Variants in GATAD2A observed in about 807,000 individuals in gnomAD.
GATAD2A encodes the protein transcriptional repressor p66-alpha.
Under a neutral mutation model 68.5 loss-of-function variants are expected in GATAD2A, and 12 were observed. The observed-to-expected ratio is 0.18, with a 90% CI of 0.11 to 0.28. GATAD2A has a LOEUF of 0.28. Among genes scored for constraint, GATAD2A ranks in the 10% least tolerant of loss-of-function variants. The probability of loss-of-function intolerance (pLI) is 1.00; values close to 1 mark genes in which losing one functional copy is unlikely to be tolerated. For synonymous variants in GATAD2A, 410 were observed against 375.3 expected (o/e 1.09, Z -1.07); for missense variants, 755 against 868.5 (o/e 0.87, Z 1.64).
At chr19:19,398,927 C>T (rs1454528449) in intron 1 of GATAD2A, among the ~76,000 whole-genome samples, 1 of 152,096 alleles carries the variant, frequency 6.6e-6, no homozygotes, top group East Asian at 1.9e-4. Context: ...GGCACAGTGG[C>T]GGGCGCCTGT....
rs1421204953 is a variant in GATAD2A at position 19,474,729 on chromosome 19, A to G, written c.269+9115A>G. 2.6e-5 allele frequency among the ~76,000 whole-genome samples: 4 copies of G among 152,326 alleles called. 1 individual carries two copies. In the South Asian group the frequency reaches 8.3e-4, roughly 32 times the overall value. ...ACTCAGGTTAAACTGCAGGGTTACA[A>G]ATTGTGTGTGTGGTTAGTCGTTTTA... On this transcript the variant is annotated intron_variant, in intron 2 of 11. Transcript: ENST00000683918.
chr19:19,444,930 T>TGTAG (rs2055538147), intron 1 of GATAD2A, among the ~76,000 whole-genome samples: 2 of 150,162 alleles, frequency 1.3e-5, no homozygotes, highest in South Asian at 4.2e-4. Flanking sequence ...TTTTAGGCAG[T>TGTAG]GTAGGGCCTG....
chr19:19,449,909 T>G (rs976098883), intron 1 of GATAD2A, among the ~76,000 whole-genome samples: 1 of 152,202 alleles, frequency 6.6e-6, no homozygotes, highest in Non-Finnish European at 1.5e-5. Context: ...AAGCCAGAGG[T>G]GCCTTTTCTT....
rs776709291 is a variant in GATAD2A at position 19,494,339 on chromosome 19, G to A, written c.580G>A (p.Val194Ile). ...CACCGTGACCACCCCTCCCCCGCTT[G>A]TTCGGGGCACTCAGAACATTCCTGC... ...GSTVTTPPPLVRGTQNIPAGK... is the reference protein window; with the variant it reads ...GSTVTTPPPLIRGTQNIPAGK... The change falls in exon 5 of 12, where the codon GTT becomes ATT. Residue 194 changes from valine to isoleucine, a missense_variant. By Grantham distance (29) the Val-to-Ile change is conservative (BLOSUM62 3). Transcript: ENST00000683918. 16 of 1,613,036 alleles carry A rather than the reference G, an allele frequency of 9.9e-6. No homozygotes were observed. Among genetic ancestry groups the A allele is most frequent in the Non-Finnish European group, 1.3e-5 (15 of 1,179,188 alleles).
intron 1 of GATAD2A, among the ~76,000 whole-genome samples, chr19:19,443,208 T>C (rs1442524077): frequency 6.6e-6 from 1 of 152,176 alleles, no homozygotes; most frequent in African/African-American, 2.4e-5. Context: ...GGTTCCAGAC[T>C]GTAAGGTCCA....
chr19:19,406,932 C>T (rs2050345419), intron 1 of GATAD2A, among the ~76,000 whole-genome samples: 1 of 152,176 alleles, frequency 6.6e-6, no homozygotes, highest in Non-Finnish European at 1.5e-5. Context: ...TTTTGTAGGT[C>T]TGACTTAACG....
chr19:19,454,597 CA>C (rs1242274321), intron 1 of GATAD2A, among the ~76,000 whole-genome samples: 388 of 129,586 alleles, frequency 3.0e-3, no homozygotes, highest in Non-Finnish European at 2.7e-3. Flanking sequence ...GACCCTGTCT[CA>C]AAAAAAAAAA....
At chr19:19,388,054 C>T (rs1175436048) in intron 1 of GATAD2A, among the ~76,000 whole-genome samples, 1 of 134,080 alleles carries the variant, frequency 7.5e-6, no homozygotes, top group Non-Finnish European at 1.5e-5. Flanking sequence ...TCAAGCTTCT[C>T]CTCCTTTTTT....
intron 2 of GATAD2A, among the ~76,000 whole-genome samples, chr19:19,488,189 G>C (rs1003026753): frequency 6.6e-6 from 1 of 152,192 alleles, no homozygotes; most frequent in Non-Finnish European, 1.5e-5. Context: ...CGGTGACAGC[G>C]GTGGTCAGAC....
chr19:19,503,447 G>C (rs1178420172), intron 11 of GATAD2A, among the ~76,000 whole-genome samples: 2 of 152,218 alleles, frequency 1.3e-5, no homozygotes, highest in African/African-American at 4.8e-5. Context: ...GGCTGCAGAG[G>C]AATCCAGGCA....
intron 2 of GATAD2A, among the ~76,000 whole-genome samples, chr19:19,481,272 A>G (rs561937841): frequency 6.6e-6 from 1 of 152,132 alleles, no homozygotes; most frequent in African/African-American, 2.4e-5. Context: ...CAACCATCCT[A>G]CCCCTTCCAG....
At chr19:19,445,262 A>C (rs539890617) in intron 1 of GATAD2A, among the ~76,000 whole-genome samples, 52 of 152,148 alleles carry the variant, frequency 3.4e-4, no homozygotes, top group African/African-American at 1.2e-3. Flanking sequence ...GAGCATGTTT[A>C]CTGAAGGACC....
intron 1 of GATAD2A, among the ~76,000 whole-genome samples, chr19:19,424,373 G>C (rs1342784462): frequency 6.6e-6 from 1 of 152,104 alleles, no homozygotes; most frequent in Admixed American, 6.5e-5. Flanking sequence ...GTGACCATAG[G>C]CATGAGCCAG....
chr19:19,501,143 G>C lies in GATAD2A; in HGVS notation c.1230G>C (p.Val410=). 6.2e-7 allele frequency: 1 copy of C among 1,612,322 alleles called. No homozygotes were observed. Reference sequence around the variant, plus strand: ...CAGGCAGGATGTCGGCCGCCACTGTGCTGTCCCGGGAGCCCTACATGTGTG... The same window carrying C: ...CAGGCAGGATGTCGGCCGCCACTGTCCTGTCCCGGGAGCCCTACATGTGTG... The part of the protein sequence containing the change: ...TQAGRMSAAT[V]LSREPYMCAQ... The change falls in exon 9 of 12, where the codon GTG becomes GTC. Residue 410 remains valine (V), a synonymous_variant. Coordinates refer to ENST00000683918, the MANE Select transcript of GATAD2A (RefSeq NM_001384528.1).
chr19:19,473,492 G>A (rs148305180), intron 2 of GATAD2A, among the ~76,000 whole-genome samples: 2 of 152,238 alleles, frequency 1.3e-5, no homozygotes, highest in East Asian at 1.9e-4. Context: ...AATCATTGCC[G>A]TTGTCTTTCT....
intron 1 of GATAD2A, among the ~76,000 whole-genome samples, chr19:19,452,901 C>T (rs560413702): frequency 3.9e-5 from 6 of 152,194 alleles, no homozygotes; most frequent in East Asian, 1.9e-4. Flanking sequence ...TCCTCCTGTG[C>T]GTCCCCTCAA....
intron 1 of GATAD2A, among the ~76,000 whole-genome samples, chr19:19,421,158 A>T (rs1467981297): frequency 1.3e-5 from 2 of 152,180 alleles, no homozygotes; most frequent in Non-Finnish European, 2.9e-5. Context: ...GGACAGAGAC[A>T]AGCAGGGCCT....
At chr19:19,477,071 C>T (rs1228888301) in intron 2 of GATAD2A, among the ~76,000 whole-genome samples, 1 of 152,160 alleles carries the variant, frequency 6.6e-6, no homozygotes, top group Non-Finnish European at 1.5e-5. Context: ...ATTGAGGCTC[C>T]ACCATAGTGT....
intron 1 of GATAD2A, among the ~76,000 whole-genome samples, chr19:19,419,593 T>A (rs1004227743): frequency 2.7e-5 from 4 of 150,652 alleles, no homozygotes; most frequent in Non-Finnish European, 5.9e-5. Context: ...CTCAGTTCAC[T>A]GCAGCCTCCG....
Sources: allele counts gnomAD v4.1 joint callset (sites outside exome capture counted in the v4.1 genomes callset), GRCh38; gene constraint gnomAD v4.1.1; transcripts MANE v1.5; gene names NCBI Gene and HGNC (gene_info 2026-07-23, HGNC 2026-07-21).